CLSTN2: variants seen among roughly 807,000 people sequenced by gnomAD.
The protein encoded by CLSTN2 is calsyntenin 2.
Under a neutral mutation model 101.2 loss-of-function variants are expected in CLSTN2, and 48 were observed. That is an observed-to-expected ratio of 0.47 (90% CI 0.38 to 0.60). The LOEUF (loss-of-function observed/expected upper bound fraction) is 0.60. Among genes scored for constraint, CLSTN2 ranks in the 20% least tolerant of loss-of-function variants. The pLI, the probability that CLSTN2 is intolerant of heterozygous loss-of-function variation, is 0.00. For missense variants in CLSTN2, 1,160 were observed against 1,238.2 expected (o/e 0.94, Z 0.95); for synonymous variants, 481 against 463.6 (o/e 1.04, Z -0.48).
intron 1 of CLSTN2, among the ~76,000 whole-genome samples, chr3:139,992,409 T>A (rs1434174390): frequency 1.3e-5 from 2 of 151,838 alleles, no homozygotes; most frequent in Non-Finnish European, 2.9e-5. Flanking sequence ...GAGGAGGGAG[T>A]GGTGGGCCAG....
chr3:140,041,608 C>T (rs2007763244), intron 1 of CLSTN2, among the ~76,000 whole-genome samples: 1 of 152,204 alleles, frequency 6.6e-6, no homozygotes, highest in South Asian at 2.1e-4. Context: ...GTACAAACTC[C>T]TTGTAGCTTT....
chr3:140,574,940 G>C lies in CLSTN2; in HGVS notation c.*8687G>C, dbSNP rs756130163. ...TGTGAGGAGGGCCTTGCTTGTGCCTGTGGGTCATGGATGTTAATATAAAGG... is the reference window on the plus strand; with the variant it reads ...TGTGAGGAGGGCCTTGCTTGTGCCTCTGGGTCATGGATGTTAATATAAAGG... On this transcript the variant is annotated 3_prime_UTR_variant, in exon 17 of 17. Transcript: ENST00000458420. 4.6e-5 allele frequency: 7 copies of C among 152,206 alleles called. No individual in the cohort carries two copies. The highest frequency in any genetic ancestry group is 1.0e-4 in the Non-Finnish European group (7 of 68,046). 9.4% of individuals were successfully genotyped at this position (152,206 alleles called of 1,614,324 possible).
intron 1 of CLSTN2, among the ~76,000 whole-genome samples, chr3:140,083,456 T>C (rs2008631068): frequency 6.6e-6 from 1 of 152,222 alleles, no homozygotes; most frequent in Non-Finnish European, 1.5e-5. Flanking sequence ...TAATGATTGG[T>C]TGGATGAATT....
At chr3:140,305,955 G>A (rs1267760817) in intron 2 of CLSTN2, among the ~76,000 whole-genome samples, 2 of 151,840 alleles carry the variant, frequency 1.3e-5, no homozygotes, top group African/African-American at 2.4e-5. Context: ...TTTTATAATC[G>A]GGTAAGGAAT....
intron 5 of CLSTN2, among the ~76,000 whole-genome samples, chr3:140,436,194 TG>T (rs2088685930): frequency 6.6e-6 from 1 of 152,338 alleles, no homozygotes; most frequent in African/African-American, 2.4e-5. Flanking sequence ...CAATGTTTTC[TG>T]ATAGCTGTTT....
At chr3:140,024,782 C>G (rs1016528366) in intron 1 of CLSTN2, among the ~76,000 whole-genome samples, 2 of 152,180 alleles carry the variant, frequency 1.3e-5, no homozygotes, top group Non-Finnish European at 2.9e-5. Flanking sequence ...TCTGTCTTGT[C>G]ATTTATAAAA....
At chr3:140,537,084 T>C (rs1352389905) in intron 9 of CLSTN2, among the ~76,000 whole-genome samples, 1 of 152,226 alleles carries the variant, frequency 6.6e-6, no homozygotes, top group African/African-American at 2.4e-5. Context: ...ATATACATAG[T>C]ATAATCTCTC....
intron 5 of CLSTN2, 51 bp downstream of exon 5, chr3:140,421,325 G>A: frequency 6.2e-7 from 1 of 1,603,580 alleles, no homozygotes; most frequent in Non-Finnish European, 8.5e-7. Flanking sequence ...CTGATGTATA[G>A]AAGGTGGTGT....
intron 2 of CLSTN2, among the ~76,000 whole-genome samples, chr3:140,298,097 A>G (rs1411671128): frequency 6.6e-6 from 1 of 152,246 alleles, no homozygotes. Flanking sequence ...GCATTGTGCT[A>G]TAGAGGTGGG....
chr3:140,229,947 A>AT (rs1222416286), intron 2 of CLSTN2, among the ~76,000 whole-genome samples: 1 of 151,914 alleles, frequency 6.6e-6, no homozygotes, highest in Admixed American at 6.6e-5. Context: ...AGCCCAGTTT[A>AT]TTTTTTTGGT....
At chr3:140,256,523 C>T (rs1474442653) in intron 2 of CLSTN2, among the ~76,000 whole-genome samples, 1 of 152,198 alleles carries the variant, frequency 6.6e-6, no homozygotes, top group Non-Finnish European at 1.5e-5. Flanking sequence ...CATTGCTATG[C>T]CTGGCACAGA....
intron 1 of CLSTN2, among the ~76,000 whole-genome samples, chr3:139,972,196 G>A (rs1935718034): frequency 6.6e-6 from 1 of 152,102 alleles, no homozygotes; most frequent in South Asian, 2.1e-4. Flanking sequence ...CCTGGGAGGC[G>A]GAGGTTGCAG....
At chr3:140,513,585 T>TTC (rs1553750566) in intron 8 of CLSTN2, among the ~76,000 whole-genome samples, 3 of 142,466 alleles carry the variant, frequency 2.1e-5, no homozygotes, top group East Asian at 2.0e-4. Context: ...TTTTCTTTCT[T>TTC]TTTTTTTTTT....
At chr3:139,952,693 C>T (rs917804986) in intron 1 of CLSTN2, among the ~76,000 whole-genome samples, 1 of 152,160 alleles carries the variant, frequency 6.6e-6, no homozygotes, top group Non-Finnish European at 1.5e-5. Flanking sequence ...ATCTCTTTGC[C>T]ATTTCAGGAT....
chr3:140,281,243 A>ATTTTCATTTTAACAGATATTTACT (rs1384327858), intron 2 of CLSTN2, among the ~76,000 whole-genome samples: 6 of 152,294 alleles, frequency 3.9e-5, no homozygotes. Context: ...TAAATGAATT[A>ATTTTCATTTTAACAGATATTTACT]TTTTCATTTT....
At chr3:140,244,217 A>G (rs1282198598) in intron 2 of CLSTN2, among the ~76,000 whole-genome samples, 1 of 152,184 alleles carries the variant, frequency 6.6e-6, no homozygotes, top group Non-Finnish European at 1.5e-5. Flanking sequence ...CTCCGGGACT[A>G]CACCACTTGA....
At chr3:140,190,726 G>A (rs1307956593) in intron 2 of CLSTN2, among the ~76,000 whole-genome samples, 4 of 152,002 alleles carry the variant, frequency 2.6e-5, no homozygotes, top group Non-Finnish European at 5.9e-5. Context: ...TATTACTGCT[G>A]ACATATAGAC....
At chr3:140,274,389 C>G (rs1479819433) in intron 2 of CLSTN2, among the ~76,000 whole-genome samples, 1 of 152,196 alleles carries the variant, frequency 6.6e-6, no homozygotes, top group Non-Finnish European at 1.5e-5. Flanking sequence ...ATGGAAGCCA[C>G]CCCAACTCTG....
intron 1 of CLSTN2, among the ~76,000 whole-genome samples, chr3:140,033,564 T>C (rs930720286): frequency 1.3e-5 from 2 of 152,206 alleles, no homozygotes; most frequent in Non-Finnish European, 1.5e-5. Context: ...CAAACACCAC[T>C]ATCACTGTGT....
Sources: gnomAD v4.1 joint callset for allele counts (sites outside exome capture counted in the v4.1 genomes callset) on GRCh38, gnomAD v4.1.1 for gene constraint, MANE v1.5 for transcripts, NCBI Gene and HGNC (gene_info 2026-07-23, HGNC 2026-07-21) for gene names.